IYD: variants seen among roughly 807,000 people sequenced by gnomAD.
IYD encodes the protein iodotyrosine deiodinase 1.
In IYD, 25 loss-of-function variants were observed where a neutral mutation model predicts 28.4. That is an observed-to-expected ratio of 0.88 (90% CI 0.64 to 1.23). IYD has a LOEUF of 1.23. Among genes scored for constraint, IYD ranks in the 50% most tolerant of loss-of-function variants. The pLI is 0.00. For missense variants in IYD, 352 were observed against 357.9 expected, an observed-to-expected ratio of 0.98 and a Z score of 0.13; for synonymous variants, 140 against 130.8, an observed-to-expected ratio of 1.07 and a Z score of -0.48.
intron 1 of IYD, among the ~76,000 whole-genome samples, chr6:150,388,081 C>T (rs1410267171): frequency 6.6e-6 from 1 of 152,130 alleles, no homozygotes; most frequent in Non-Finnish European, 1.5e-5. Flanking sequence ...GATGATTGTA[C>T]TTAAAATTAT....
At chr6:150,395,832 GA>G in intron 4 of IYD, 1 of 603,124 alleles carries the variant, frequency 1.7e-6, no homozygotes, top group Non-Finnish European at 3.0e-6. Context: ...GAAGTGTCTG[GA>G]AGCTACTCAT....
intron 1 of IYD, among the ~76,000 whole-genome samples, chr6:150,371,928 C>A (rs1386398865): frequency 1.3e-5 from 2 of 152,190 alleles, no homozygotes; most frequent in Non-Finnish European, 2.9e-5. Context: ...CTCAGCCCCC[C>A]AAGTCCCTGC....
Position 150,404,558 on chromosome 6 carries a change from T to C in IYD, c.*6321T>C, listed in dbSNP as rs1271067675. 3 of 152,276 alleles carry C rather than the reference T, an allele frequency of 2.0e-5. No individual in the cohort carries two copies. The highest frequency in any genetic ancestry group is 3.9e-4 in the East Asian group (2 of 5,190). The allele number at this position is 152,276 out of a possible 1,614,324, so 9.4% of individuals were successfully genotyped here. On this transcript the variant is annotated 3_prime_UTR_variant, in exon 5 of 5. Transcript: ENST00000344419. Reference sequence around the variant, plus strand: ...TGATTTGAAGTGCTAAAATAGAAAATTAAATATGATAAATTACACAAGAAG... The same window carrying C: ...TGATTTGAAGTGCTAAAATAGAAAACTAAATATGATAAATTACACAAGAAG...
intron 4 of IYD, chr6:150,395,657 AT>A: frequency 9.5e-7 from 1 of 1,055,246 alleles, no homozygotes; most frequent in Non-Finnish European, 1.4e-6. Context: ...GTAGGTTATG[AT>A]TAGTGATGGA....
intron 1 of IYD, among the ~76,000 whole-genome samples, chr6:150,387,719 C>T (rs1344112123): frequency 1.3e-5 from 2 of 152,082 alleles, no homozygotes; most frequent in Non-Finnish European, 2.9e-5. Flanking sequence ...GCTAGTGTAA[C>T]CTGCTAGTCA....
Position 150,394,006 on chromosome 6 carries a change from T to C in IYD, c.531-93T>C, listed in dbSNP as rs1778217455. 6 of 1,266,750 alleles carry C rather than the reference T, an allele frequency of 4.7e-6. No homozygotes were observed. The South Asian group carries it at 7.9e-5, about 17-fold the overall frequency. 78.5% of individuals were successfully genotyped at this position (1,266,750 alleles called of 1,614,324 possible). ...AATTTAAATATAAAAGATGAGTAAA[T>C]ATGTTTTTATTTTTATCATAAAGAA... On this transcript the variant is annotated intron_variant, in intron 3 of 4. Coordinates refer to ENST00000344419, the MANE Select transcript of IYD (RefSeq NM_203395.3).
chr6:150,388,999 G>C (rs565559957), intron 1 of IYD, among the ~76,000 whole-genome samples: 1 of 152,030 alleles, frequency 6.6e-6, no homozygotes, highest in East Asian at 1.9e-4. Context: ...ACCACGCCCG[G>C]ACTTTTCTTC....
intron 1 of IYD, among the ~76,000 whole-genome samples, chr6:150,377,430 C>A (rs1005888327): frequency 8.5e-5 from 13 of 152,202 alleles, no homozygotes. Context: ...CATTCCCCAG[C>A]CATAGTATAG....
chr6:150,385,710 T>C (rs9480340), intron 1 of IYD, among the ~76,000 whole-genome samples: 60,250 of 151,756 alleles, frequency 0.4, 13,559 homozygotes, highest in Non-Finnish European at 0.52. Flanking sequence ...GGTCATTCCA[T>C]AAAATGAGTT....
At chr6:150,387,693 C>A (rs949817619) in intron 1 of IYD, among the ~76,000 whole-genome samples, 2 of 152,182 alleles carry the variant, frequency 1.3e-5, no homozygotes, top group Admixed American at 6.5e-5. Context: ...CCTCCCAGTT[C>A]ATTAATTTTT....
chr6:150,392,611 A>C, intron 3 of IYD, 107 bp downstream of exon 3: 1 of 1,178,160 alleles, frequency 8.5e-7, no homozygotes, highest in Non-Finnish European at 1.2e-6. Flanking sequence ...GCTTGATTCT[A>C]TTCTGCCTCT....
intron 1 of IYD, among the ~76,000 whole-genome samples, chr6:150,385,508 G>GT (rs1423089768): frequency 6.6e-6 from 1 of 151,376 alleles, no homozygotes; most frequent in East Asian, 1.9e-4. Flanking sequence ...AAAAAAGATT[G>GT]TTTTTCTAAT....
chr6:150,374,595 C>T (rs1777378813), intron 1 of IYD, among the ~76,000 whole-genome samples: 1 of 152,128 alleles, frequency 6.6e-6, no homozygotes, highest in Non-Finnish European at 1.5e-5. Flanking sequence ...ACCATCAGCT[C>T]TCCTGAGACT....
intron 1 of IYD, among the ~76,000 whole-genome samples, chr6:150,386,670 G>T (rs1466969705): frequency 1.3e-5 from 2 of 151,918 alleles, no homozygotes; most frequent in African/African-American, 4.8e-5. Flanking sequence ...CTTCTTAAAA[G>T]TCTGTCTTGA....
In IYD at chr6:150,395,736, A is replaced by G. The variant is rs906375546; in HGVS notation, c.687+1481A>G. On this transcript the variant is annotated intron_variant, in intron 4 of 4. Transcript: ENST00000344419. ...ACTGGGTCTGATAAGCGCGCCATGC[A>G]TGTCTTGTAGAGGCAGCTTCCAGAA... The G allele has an allele frequency of 2.3e-5, 16 of 705,576 alleles. No homozygotes were observed. In the Admixed American group the frequency reaches 2.4e-4, roughly 11 times the overall value. 43.7% of individuals were successfully genotyped at this position (705,576 alleles called of 1,614,324 possible). A position where few individuals can be genotyped will look rare whatever the true frequency, so the allele number is the denominator to read the frequency against.
In IYD at chr6:150,394,050, A is replaced by G. The variant is rs748800220; in HGVS notation, c.531-49A>G. 3.2e-6 allele frequency: 5 copies of G among 1,585,574 alleles called. No individual in the cohort carries two copies. The African/African-American group carries it at 6.7e-5, about 21-fold the overall frequency. ...TAAAGAAGCTAAGGTAGTAAAAGAG[A>G]ACAAAAAATATGGGCAAATATTATC... On this transcript the variant is annotated intron_variant, in intron 3 of 4. Transcript: ENST00000344419.
Position 150,402,398 on chromosome 6 carries a change from C to T in IYD, c.*4161C>T, listed in dbSNP as rs887576620. The stretch of plus-strand genomic sequence containing the variant: ...GACCTCACAGGAGGTGGAGCAGTGT[C>T]GTCAATGTTATCATCCCCCTGCACC... On this transcript the variant is annotated 3_prime_UTR_variant, in exon 5 of 5. Transcript: ENST00000344419. 3.9e-5 allele frequency: 6 copies of T among 152,348 alleles called. 1 individual carries two copies. The South Asian group carries it at 6.2e-4, about 16-fold the overall frequency. 9.4% of individuals were successfully genotyped at this position (152,348 alleles called of 1,614,324 possible).
In IYD at chr6:150,404,344, G is replaced by A. The variant is rs1582813258; in HGVS notation, c.*6107G>A. 1 of 152,146 alleles carries A rather than the reference G, an allele frequency of 6.6e-6. No homozygotes were observed. Among genetic ancestry groups the A allele is most frequent in the East Asian group, 1.9e-4 (1 of 5,196 alleles). The allele number at this position is 152,146 out of a possible 1,614,324, so 9.4% of individuals were successfully genotyped here. On this transcript the variant is annotated 3_prime_UTR_variant, in exon 5 of 5. Coordinates refer to ENST00000344419, the MANE Select transcript of IYD (RefSeq NM_203395.3). The stretch of plus-strand genomic sequence containing the variant: ...TGATTTGAATCTTTAAAAAGCTTAT[G>A]ATTCCAATTTGAAATGTGAAATTGA...
chr6:150,369,834 G>A (rs1777152955), intron 1 of IYD: 4 of 634,110 alleles, frequency 6.3e-6, no homozygotes, highest in Non-Finnish European at 8.5e-6. Context: ...AATAGCAAGT[G>A]CTGGGAGGCC....
Sources: gnomAD v4.1 joint callset for allele counts (sites outside exome capture counted in the v4.1 genomes callset) on GRCh38, gnomAD v4.1.1 for gene constraint, MANE v1.5 for transcripts, NCBI Gene and HGNC (gene_info 2026-07-23, HGNC 2026-07-21) for gene names.